COL1A1: variants seen among roughly 807,000 people sequenced by gnomAD.
COL1A1 encodes collagen alpha-1(I) chain.
In COL1A1, 21 loss-of-function variants were observed where a neutral mutation model predicts 195.7. The observed-to-expected ratio is 0.11, with a 90% confidence interval of 0.08 to 0.15. The LOEUF (loss-of-function observed/expected upper bound fraction) is 0.15, where lower values mean the gene tolerates loss of function less well. COL1A1 is among the 10% of genes least tolerant of loss of function. The pLI is 1.00. For missense variants in COL1A1, 1,365 were observed against 2,051.0 expected, an observed-to-expected ratio of 0.67 and a Z score of 6.46; for synonymous variants, 749 against 747.3, an observed-to-expected ratio of 1.00 and a Z score of -0.04.
intron 31 of COL1A1, 77 bp downstream of exon 31, chr17:50,191,711 C>A (rs1389883523): frequency 6.7e-6 from 10 of 1,486,228 alleles, no homozygotes; most frequent in Non-Finnish European, 9.2e-6. Context: ...TGGTCATGGC[C>A]CGCCATCCCC....
In COL1A1 at chr17:50,186,534, TC is replaced by T; in HGVS notation, c.3815-28del. ...TGTGGTAGGGCAGGGCAAGATGGAG[TC>T]AGGGAAAGGGAGCAGCCAGCACCAT... On this transcript the variant is annotated intron_variant, in intron 48 of 50. Coordinates refer to ENST00000225964, the MANE Select transcript of COL1A1 (RefSeq NM_000088.4). The surrounding 1 kb of genome is among the most constrained non-coding windows in gnomAD (Gnocchi z 5.3). The T allele has an allele frequency of 6.2e-7, 1 of 1,613,502 alleles. No individual in the cohort carries two copies. Among genetic ancestry groups the T allele is most frequent in the South Asian group, 1.1e-5 (1 of 91,032 alleles).
Position 50,184,825 on chromosome 17 carries a change from C to T in COL1A1, c.*677G>A. The T allele has an allele frequency of 4.9e-6, 1 of 203,374 alleles. No individual in the cohort carries two copies. Among genetic ancestry groups the T allele is most frequent in the Non-Finnish European group, 9.8e-6 (1 of 101,694 alleles). 12.6% of individuals were successfully genotyped at this position (203,374 alleles called of 1,614,324 possible). ...TCCGATGTTTCTGCTTTGTCGTGGC[C>T]CTTCCTGACTCTCCTCCGAACCCAG... is the stretch of plus-strand genomic sequence containing the variant. On this transcript the variant is annotated 3_prime_UTR_variant, in exon 51 of 51. Transcript: ENST00000225964.
Position 50,197,073 on chromosome 17 carries a change from G to C in COL1A1, c.751-10C>G. On this transcript the variant is annotated splice_polypyrimidine_tract_variant and intron_variant, in intron 10 of 50. Coordinates refer to ENST00000225964, the MANE Select transcript of COL1A1 (RefSeq NM_000088.4). ...GCAATCCTCGAGCACCCTGGAGAGA[G>C]ATGAAGAAGACAAGGAAGGGCCATT... 1 of 1,614,184 alleles carries C rather than the reference G, an allele frequency of 6.2e-7. No homozygotes were observed. The highest frequency in any genetic ancestry group is 8.5e-7 in the Non-Finnish European group (1 of 1,180,042).
At chr17:50,198,772 T>C in intron 5 of COL1A1, 3 of 517,192 alleles carry the variant, frequency 5.8e-6, no homozygotes, top group Non-Finnish European at 1.1e-5. Context: ...CGTTCTACAT[T>C]TGTGGAAACT....
chr17:50,196,931 A>G (rs1235555549), intron 11 of COL1A1, 79 bp downstream of exon 11: 3 of 1,527,206 alleles, frequency 2.0e-6, no homozygotes, highest in African/African-American at 2.7e-5. Context: ...GCAACTCAGT[A>G]TCTTTTGGGG....
rs750735264 is a variant in COL1A1 at position 50,188,157 on chromosome 17, G to A, written c.3208-8C>T. Reference sequence around the variant, plus strand: ...GGCGGGACCAGCAGGACCCTGGGGAGAGCAAGGAAAGCATGAGCTCTTGGC... The same window carrying A: ...GGCGGGACCAGCAGGACCCTGGGGAAAGCAAGGAAAGCATGAGCTCTTGGC... On this transcript the variant is annotated splice_polypyrimidine_tract_variant and splice_region_variant and intron_variant, in intron 43 of 50. Coordinates refer to ENST00000225964, the MANE Select transcript of COL1A1 (RefSeq NM_000088.4). The surrounding 1 kb of genome is among the most constrained non-coding windows in gnomAD (Gnocchi z 5.6). 7 of 1,550,100 alleles carry A rather than the reference G, an allele frequency of 4.5e-6. No homozygotes were observed. The highest frequency in any genetic ancestry group is 3.5e-5 in the South Asian group (3 of 84,592).
chr17:50,192,506 G>A lies in COL1A1; in HGVS notation c.1952C>T (p.Pro651Leu). 6.2e-7 allele frequency: 1 copy of A among 1,613,900 alleles called. No individual in the cohort carries two copies. The highest frequency in any genetic ancestry group is 8.5e-7 in the Non-Finnish European group (1 of 1,179,862). Residue 651 changes from proline to leucine, a missense_variant, in exon 29 of 51, where the codon CCT (proline) becomes CTT (leucine). Physicochemically the swap from Pro to Leu is moderately conservative, Grantham distance 98 (BLOSUM62 -3). Transcript: ENST00000225964. ...GFQGLPGPAG[P>L]PGEAGKPGEQ... ...ACCAGGTTTGCCTGCTTCACCTGGA[G>A]GACCAGCAGGACCAGGGAGACCCTG...
chr17:50,191,698 C>T, intron 31 of COL1A1, 90 bp downstream of exon 31: 3 of 1,431,228 alleles, frequency 2.1e-6, no homozygotes, highest in East Asian at 4.9e-5. Context: ...ATCTCCATGG[C>T]TTTGGTCATG....
At chr17:50,199,359 C>A in intron 4 of COL1A1, 32 bp from the exon 5 acceptor site, 1 of 1,601,042 alleles carries the variant, frequency 6.2e-7, no homozygotes, top group Non-Finnish European at 8.5e-7. Flanking sequence ...CCGGGGTGAG[C>A]GTGGGGCCGA....
Position 50,195,603 on chromosome 17 carries a change from A to G in COL1A1, c.1119T>C (p.Pro373=). The change falls in exon 17 of 51, where the codon CCT becomes CCC. Residue 373 remains proline, a synonymous_variant. Transcript: ENST00000225964. The surrounding 1 kb of genome is among the most constrained non-coding windows in gnomAD (Gnocchi z 4.3). ...SEGPQGVRGE[P]GPPGPAGAAG... Reference sequence around the variant, plus strand: ...CAGCACCAGCAGGGCCAGGGGGGCCAGGCTCACCACGCACACCCTGGGGAC... The same window carrying G: ...CAGCACCAGCAGGGCCAGGGGGGCCGGGCTCACCACGCACACCCTGGGGAC... The G allele has an allele frequency of 6.2e-7, 1 of 1,613,986 alleles. No homozygotes were observed. Among genetic ancestry groups the G allele is most frequent in the East Asian group, 2.2e-5 (1 of 44,870 alleles).
chr17:50,184,811 T>G lies in COL1A1; in HGVS notation c.*691A>C, dbSNP rs1262219167. 1 of 169,164 alleles carries G rather than the reference T, an allele frequency of 5.9e-6. No homozygotes were observed. The highest frequency in any genetic ancestry group is 9.8e-5 in the Admixed American group (1 of 10,158). 10.5% of individuals were successfully genotyped at this position (169,164 alleles called of 1,614,324 possible). ...ACGCGTTCCCCAAATCCGATGTTTC[T>G]GCTTTGTCGTGGCCCTTCCTGACTC... On this transcript the variant is annotated 3_prime_UTR_variant, in exon 51 of 51. Transcript: ENST00000225964.
chr17:50,191,041 G>C, intron 32 of COL1A1, 117 bp from the exon 33 acceptor site: 1 of 980,804 alleles, frequency 1.0e-6, no homozygotes, highest in Non-Finnish European at 1.6e-6. Flanking sequence ...GCCTCCACCT[G>C]GGCCAAGGAC....
Position 50,186,941 on chromosome 17 carries a change from G to C in COL1A1, c.3532-19C>G. 6.2e-7 allele frequency: 1 copy of C among 1,613,358 alleles called. No individual in the cohort carries two copies. Among genetic ancestry groups the C allele is most frequent in the Non-Finnish European group, 8.5e-7 (1 of 1,179,672 alleles). ...GGGGACCCTGCACAGAGAGGGAAGA[G>C]AGTGGGGATTACCGGCATCCAAGTG... On this transcript the variant is annotated intron_variant, in intron 47 of 50. Transcript: ENST00000225964. This position sits in a 1 kb window ranked among gnomAD's most constrained non-coding sequence, Gnocchi z 5.3.
In COL1A1 at chr17:50,185,327, A is replaced by G; in HGVS notation, c.*175T>C. The G allele has an allele frequency of 1.5e-6, 1 of 661,904 alleles. No homozygotes were observed. The highest frequency in any genetic ancestry group is 3.1e-5 in the East Asian group (1 of 32,722). 41.0% of individuals were successfully genotyped at this position (661,904 alleles called of 1,614,324 possible). A position where few individuals can be genotyped will look rare whatever the true frequency, so the allele number is the denominator to read the frequency against. ...TTTGGTCATGTTCGGTTGGTCAAAG[A>G]TAAAAACTAAGTTTGAGAGATGAAT... is the stretch of plus-strand genomic sequence containing the variant. On this transcript the variant is annotated 3_prime_UTR_variant, in exon 51 of 51. Transcript: ENST00000225964.
Position 50,184,557 on chromosome 17 carries a change from G to C in COL1A1, c.*945C>G. The C allele has an allele frequency of 4.3e-6, 1 of 231,840 alleles. No individual in the cohort carries two copies. 14.4% of individuals were successfully genotyped at this position (231,840 alleles called of 1,614,324 possible). On this transcript the variant is annotated 3_prime_UTR_variant, in exon 51 of 51. Coordinates refer to ENST00000225964, the MANE Select transcript of COL1A1 (RefSeq NM_000088.4). Reference sequence around the variant, plus strand: ...AAGGAACATTTGCTGGCCTGGGGGGGCATCTCAATTTCTATAGCACCAGTG... The same window carrying C: ...AAGGAACATTTGCTGGCCTGGGGGGCCATCTCAATTTCTATAGCACCAGTG...
chr17:50,186,421 A>G lies in COL1A1; in HGVS notation c.3901T>C (p.Tyr1301His), dbSNP rs1266385117. 1.2e-6 allele frequency: 2 copies of G among 1,614,064 alleles called. No individual in the cohort carries two copies. The highest frequency in any genetic ancestry group is 3.3e-5 in the Admixed American group (2 of 60,004). Residue 1301 changes from tyrosine (Y) to histidine (H), a missense_variant, in exon 49 of 51, where the codon TAC (tyrosine) becomes CAC (histidine). Transcript: ENST00000225964. The surrounding 1 kb of genome is among the most constrained non-coding windows in gnomAD (Gnocchi z 5.3). ...TGGGCCACACTGGGCTGAGTGGGGT[A>G]CACGCAGGTCTCACCAGTCTCCATG... ...CNMETGETCV[Y>H]PTQPSVAQKN...
chr17:50,196,935 T>C, intron 11 of COL1A1, 75 bp downstream of exon 11: 3 of 1,545,304 alleles, frequency 1.9e-6, no homozygotes, highest in Admixed American at 1.7e-5. Flanking sequence ...CTCAGTATCT[T>C]TTGGGGAAGA....
chr17:50,189,590 T>C lies in COL1A1; in HGVS notation c.2668-52A>G, dbSNP rs770906687. The stretch of plus-strand genomic sequence containing the variant: ...GACTCCAGGGGGCTCTGGTGCATCA[T>C]TGGGTCCTCAGTCAGCCCCACCATC... On this transcript the variant is annotated intron_variant, in intron 38 of 50. Coordinates refer to ENST00000225964, the MANE Select transcript of COL1A1 (RefSeq NM_000088.4). The surrounding 1 kb of genome is among the most constrained non-coding windows in gnomAD (Gnocchi z 5.5). 1.1e-4 allele frequency: 175 copies of C among 1,612,026 alleles called. No homozygotes were observed. The highest frequency in any genetic ancestry group is 2.5e-4 in the African/African-American group (19 of 74,608).
At chr17:50,196,882 C>T (rs2144582684) in intron 11 of COL1A1, 128 bp downstream of exon 11, 1 of 1,197,584 alleles carries the variant, frequency 8.4e-7, no homozygotes, top group East Asian at 2.4e-5. Context: ...TGTCCACTCT[C>T]TGTCCCTTGG....
Sources: allele counts gnomAD v4.1 joint callset, GRCh38; gene constraint gnomAD v4.1.1; non-coding constraint Gnocchi (gnomAD v3.1); transcripts MANE v1.5; gene names NCBI Gene and HGNC (gene_info 2026-07-23, HGNC 2026-07-21).